The following KCNT2 variants were observed in gnomAD, a reference collection of about 807,000 sequenced individuals.
KCNT2 encodes the protein potassium channel subfamily T member 2.
Under a neutral mutation model 153.8 loss-of-function variants are expected in KCNT2, and 67 were observed. The observed-to-expected ratio is 0.44, with a 90% CI of 0.36 to 0.53. KCNT2 has a LOEUF of 0.53. Among genes scored for constraint, KCNT2 ranks in the 20% least tolerant of loss-of-function variants. The probability of loss-of-function intolerance (pLI) is 0.00; values close to 1 mark genes in which losing one functional copy is unlikely to be tolerated. For synonymous variants in KCNT2, 500 were observed against 458.8 expected (o/e 1.09, Z -1.15); for missense variants, 975 against 1,354.8 (o/e 0.72, Z 4.40).
chr1:196,373,273 T>A, intron 13 of KCNT2, 25 bp from the exon 14 acceptor site: 1 of 966,814 alleles, frequency 1.0e-6, no homozygotes. Context: ...ATAGGTAAAT[T>A]AGAATAATTT....
intron 25 of KCNT2, 72 bp downstream of exon 25, chr1:196,280,788 G>A (rs1659019374): frequency 2.2e-6 from 3 of 1,337,380 alleles, no homozygotes; most frequent in Middle Eastern, 2.0e-4. Context: ...TTATAAATCA[G>A]TTTATAAGCT....
chr1:196,305,851 G>A (rs960531794), intron 21 of KCNT2, among the ~76,000 whole-genome samples: 1 of 152,030 alleles, frequency 6.6e-6, no homozygotes, highest in African/African-American at 2.4e-5. Context: ...AATAATTTAT[G>A]TAAAACTTCA....
Position 196,465,438 on chromosome 1 carries a change from C to T in KCNT2, c.544-51G>A, listed in dbSNP as rs762407577. The T allele has an allele frequency of 7.0e-5, 67 of 954,422 alleles. No individual in the cohort carries two copies. In the East Asian group the frequency reaches 1.5e-3, roughly 22 times the overall value. The allele number at this position is 954,422 out of a possible 1,614,324, so 59.1% of individuals were successfully genotyped here. A position where few individuals can be genotyped will look rare whatever the true frequency, so the allele number is the denominator to read the frequency against. On this transcript the variant is annotated intron_variant, in intron 7 of 27. Coordinates refer to ENST00000294725, the MANE Select transcript of KCNT2 (RefSeq NM_198503.5). The stretch of plus-strand genomic sequence containing the variant: ...TAAATTTTGATAAATACTAAATATG[C>T]ATGAGTTTCATTACATTTATTAGCA...
chr1:196,235,064 C>A (rs1406917325), intron 27 of KCNT2, among the ~76,000 whole-genome samples: 1 of 151,392 alleles, frequency 6.6e-6, no homozygotes, highest in Non-Finnish European at 1.5e-5. Flanking sequence ...TGTCCATCAT[C>A]TATAAGGCCA....
rs769655715 is a variant in KCNT2 at position 196,344,301 on chromosome 1, A to G, written c.1404-2073T>C. ...TAAATTCCGGAGCTATTTTAAATAA[A>G]CCTAGTCGACTTACTAAACAATAAT... On this transcript the variant is annotated intron_variant, in intron 14 of 27. Coordinates refer to ENST00000294725, the MANE Select transcript of KCNT2 (RefSeq NM_198503.5). 9.4e-4 allele frequency among the ~76,000 whole-genome samples: 143 copies of G among 152,138 alleles called. 2 individuals are homozygous for G. Among genetic ancestry groups the G allele is most frequent in the Non-Finnish European group, 2.1e-4 (14 of 68,030 alleles).
intron 14 of KCNT2, among the ~76,000 whole-genome samples, chr1:196,359,969 C>T (rs1338060898): frequency 6.6e-6 from 1 of 151,950 alleles, no homozygotes; most frequent in Non-Finnish European, 1.5e-5. Flanking sequence ...ATAATGAATG[C>T]TGAACTATTA....
intron 1 of KCNT2, among the ~76,000 whole-genome samples, chr1:196,542,815 C>A (rs2148877016): frequency 6.6e-6 from 1 of 152,058 alleles, no homozygotes; most frequent in Admixed American, 6.6e-5. Context: ...ACAAGTGGTT[C>A]TGTTAAAGGA....
At chr1:196,554,048 A>G (rs1439395963) in intron 1 of KCNT2, among the ~76,000 whole-genome samples, 2 of 151,066 alleles carry the variant, frequency 1.3e-5, no homozygotes, top group Non-Finnish European at 3.0e-5. Flanking sequence ...TATAAATGCA[A>G]TGAATGTGAA....
chr1:196,505,916 T>A (rs568528276), intron 1 of KCNT2, among the ~76,000 whole-genome samples: 1 of 152,298 alleles, frequency 6.6e-6, no homozygotes, highest in East Asian at 1.9e-4. Flanking sequence ...ATGCTTGTGA[T>A]TTTTGTACGT....
intron 8 of KCNT2, among the ~76,000 whole-genome samples, chr1:196,456,942 A>C (rs954557404): frequency 6.6e-6 from 1 of 151,966 alleles, no homozygotes; most frequent in African/African-American, 2.4e-5. Context: ...TAAAGGTACA[A>C]CGGTTGGTCT....
At chr1:196,425,454 G>C (rs768821345) in intron 11 of KCNT2, among the ~76,000 whole-genome samples, 1 of 151,904 alleles carries the variant, frequency 6.6e-6, no homozygotes, top group Non-Finnish European at 1.5e-5. Flanking sequence ...CACTGCACTG[G>C]TATGTCACAC....
chr1:196,380,127 C>T (rs1669350657), intron 13 of KCNT2, among the ~76,000 whole-genome samples: 1 of 152,118 alleles, frequency 6.6e-6, no homozygotes, highest in Admixed American at 6.5e-5. Context: ...ATGTGTATGC[C>T]TGTATGTGTG....
chr1:196,395,912 T>C (rs1054643800), intron 13 of KCNT2, among the ~76,000 whole-genome samples: 1 of 151,684 alleles, frequency 6.6e-6, no homozygotes, highest in African/African-American at 2.4e-5. Flanking sequence ...TTAATACCTA[T>C]GAGAGTACAA....
At position 196,230,022 on chromosome 1, in the gene KCNT2, C is replaced by A. The variant is rs561283562; in HGVS notation, c.3297-1687G>T. Among the ~76,000 whole-genome samples, 4 of 152,126 alleles carry A rather than the reference C, an allele frequency of 2.6e-5. No individual in the cohort carries two copies. In the East Asian group the frequency reaches 7.7e-4, roughly 29 times the overall value. On this transcript the variant is annotated intron_variant, in intron 27 of 27. Transcript: ENST00000294725. ...AGCTACAGCAAGTTATCAAAAAAAT[C>A]AAACTATTAATAAGATTATTGATGA...
chr1:196,296,858 A>T (rs1182186949), intron 22 of KCNT2, among the ~76,000 whole-genome samples: 1 of 152,120 alleles, frequency 6.6e-6, no homozygotes, highest in African/African-American at 2.4e-5. Context: ...AAAAATGAGT[A>T]GTGCCTTGCA....
At chr1:196,300,822 G>A (rs1437221339) in intron 22 of KCNT2, among the ~76,000 whole-genome samples, 3 of 151,838 alleles carry the variant, frequency 2.0e-5, no homozygotes, top group Non-Finnish European at 4.4e-5. Flanking sequence ...CCTTGCAATG[G>A]GTGAGAAATT....
chr1:196,600,425 G>GT (rs1380191719), intron 1 of KCNT2, among the ~76,000 whole-genome samples: 2 of 152,212 alleles, frequency 1.3e-5, no homozygotes, highest in African/African-American at 4.8e-5. Context: ...AGAGCACAAA[G>GT]TTTTTGTTTT....
At chr1:196,484,146 G>A (rs956348907) in intron 3 of KCNT2, among the ~76,000 whole-genome samples, 3 of 152,038 alleles carry the variant, frequency 2.0e-5, no homozygotes, top group Non-Finnish European at 4.4e-5. Context: ...ACAGAAGTGC[G>A]TATTTTCAAA....
intron 14 of KCNT2, among the ~76,000 whole-genome samples, chr1:196,372,258 C>T (rs1394291413): frequency 1.3e-5 from 2 of 152,018 alleles, no homozygotes; most frequent in South Asian, 2.1e-4. Context: ...AAATTAACAA[C>T]TTATCCATCT....
Sources: gnomAD v4.1 joint callset for allele counts (sites outside exome capture counted in the v4.1 genomes callset) on GRCh38, gnomAD v4.1.1 for gene constraint, MANE v1.5 for transcripts, NCBI Gene and HGNC (gene_info 2026-07-23, HGNC 2026-07-21) for gene names.